HMCN1: variants seen among roughly 807,000 people sequenced by gnomAD.
HMCN1 encodes hemicentin 1.
A neutral mutation model predicts 625.9 loss-of-function variants in HMCN1; 321 were observed. That is an observed-to-expected ratio of 0.51 (90% confidence interval 0.47 to 0.56). HMCN1 has a LOEUF of 0.56. Among genes scored for constraint, HMCN1 ranks in the 20% least tolerant of loss-of-function variants. The pLI, the probability that HMCN1 is intolerant of heterozygous loss-of-function variation, is 0.00. For missense variants in HMCN1, 6,588 were observed against 6,887.3 expected, an observed-to-expected ratio of 0.96 and a Z score of 1.54; for synonymous variants, 2,425 against 2,417.6, an observed-to-expected ratio of 1.00 and a Z score of -0.09.
intron 9 of HMCN1, 107 bp from the exon 10 acceptor site, chr1:185,928,439 C>A: frequency 1.1e-6 from 1 of 933,332 alleles, no homozygotes; most frequent in Non-Finnish European, 1.7e-6. Flanking sequence ...AATTTATTTT[C>A]TTTACATTGT....
At chr1:186,091,465 C>T (rs1196003296) in intron 64 of HMCN1, among the ~76,000 whole-genome samples, 2 of 151,924 alleles carry the variant, frequency 1.3e-5, no homozygotes, top group African/African-American at 4.8e-5. Context: ...ATGCAACAAA[C>T]CACATAGAGA....
intron 91 of HMCN1, 96 bp from the exon 92 acceptor site, chr1:186,145,307 G>A: frequency 8.1e-7 from 1 of 1,233,980 alleles, no homozygotes; most frequent in Non-Finnish European, 1.1e-6. Context: ...GTGCTGAGAA[G>A]AGACTTTTTT....
At chr1:185,776,402 G>C (rs781236227) in intron 1 of HMCN1, among the ~76,000 whole-genome samples, 1 of 151,614 alleles carries the variant, frequency 6.6e-6, no homozygotes, top group African/African-American at 2.4e-5. Context: ...TGCCCATCAG[G>C]TGGTGATTAA....
intron 36 of HMCN1, among the ~76,000 whole-genome samples, chr1:186,026,909 A>G (rs1374890446): frequency 6.6e-6 from 1 of 152,130 alleles, no homozygotes; most frequent in Non-Finnish European, 1.5e-5. Flanking sequence ...TGTTGGGATT[A>G]CAGGTGTGAG....
At chr1:185,854,366 C>T (rs577965946) in intron 2 of HMCN1, among the ~76,000 whole-genome samples, 69 of 152,268 alleles carry the variant, frequency 4.5e-4, no homozygotes, top group African/African-American at 1.6e-3. Context: ...TGTCCAGTTA[C>T]CCCGTCAGAT....
chr1:185,783,814 T>C (rs1657342327), intron 1 of HMCN1, among the ~76,000 whole-genome samples: 1 of 152,216 alleles, frequency 6.6e-6, no homozygotes, highest in Non-Finnish European at 1.5e-5. Context: ...GAGGAGGCAG[T>C]CTGACCGTTC....
chr1:185,907,372 G>T (rs1666153751), intron 4 of HMCN1, among the ~76,000 whole-genome samples: 1 of 151,788 alleles, frequency 6.6e-6, no homozygotes, highest in Non-Finnish European at 1.5e-5. Flanking sequence ...TCACTCCTCT[G>T]CTTGAAGCCC....
chr1:186,017,401 T>C (rs1654433962), intron 33 of HMCN1, among the ~76,000 whole-genome samples: 1 of 152,032 alleles, frequency 6.6e-6, no homozygotes, highest in African/African-American at 2.4e-5. Context: ...GGTACTGAAA[T>C]GTTTAACAGA....
chr1:185,993,323 T>C lies in HMCN1; in HGVS notation c.3505+14T>C. The C allele has an allele frequency of 1.2e-6, 2 of 1,611,720 alleles. No homozygotes were observed. Among genetic ancestry groups the C allele is most frequent in the Non-Finnish European group, 1.7e-6 (2 of 1,178,262 alleles). On this transcript the variant is annotated intron_variant, in intron 23 of 106. Coordinates refer to ENST00000271588, the MANE Select transcript of HMCN1 (RefSeq NM_031935.3). ...TAAATGTCCATGGTGAGTCTTGAAA[T>C]GAGAACATATGACAACCCTGTGGAC...
chr1:186,124,339 T>C (rs1262164118), intron 81 of HMCN1, among the ~76,000 whole-genome samples: 3 of 152,028 alleles, frequency 2.0e-5, no homozygotes, highest in African/African-American at 7.2e-5. Flanking sequence ...AGACATGACA[T>C]ATCAAAATGT....
At chr1:186,161,148 T>C (rs898775708) in intron 97 of HMCN1, among the ~76,000 whole-genome samples, 1 of 151,298 alleles carries the variant, frequency 6.6e-6, no homozygotes, top group African/African-American at 2.4e-5. Flanking sequence ...CTCTTCTTGT[T>C]GAATTGATCC....
At chr1:185,864,764 A>C in intron 3 of HMCN1, 136 bp downstream of exon 3, 1 of 784,198 alleles carries the variant, frequency 1.3e-6, no homozygotes. Flanking sequence ...TCCAATATGT[A>C]TATGTCATCT....
intron 10 of HMCN1, 93 bp downstream of exon 10, chr1:185,928,760 C>A: frequency 1.5e-6 from 2 of 1,347,970 alleles, no homozygotes; most frequent in Non-Finnish European, 2.1e-6. Flanking sequence ...ATACAATTGT[C>A]TTTGCGATTA....
chr1:186,145,273 A>G, intron 91 of HMCN1, 130 bp from the exon 92 acceptor site: 3 of 862,958 alleles, frequency 3.5e-6, no homozygotes, highest in Non-Finnish European at 3.5e-6. Flanking sequence ...TTGCCTATTT[A>G]TAGACTTGCA....
At chr1:185,772,700 G>T (rs1163636015) in intron 1 of HMCN1, among the ~76,000 whole-genome samples, 1 of 152,050 alleles carries the variant, frequency 6.6e-6, no homozygotes, top group African/African-American at 2.4e-5. Context: ...GATGACTGTT[G>T]TAGTCCATTT....
At chr1:186,163,618 A>G (rs986242185) in intron 97 of HMCN1, among the ~76,000 whole-genome samples, 6 of 152,230 alleles carry the variant, frequency 3.9e-5, no homozygotes, top group Non-Finnish European at 8.8e-5. Flanking sequence ...CCACCAATTT[A>G]TATGAAAATT....
chr1:185,734,561 C>G lies in HMCN1; in HGVS notation c.-219C>G. ...ATAGCAGTCCAGGAGGAAGCCGCAT[C>G]CAGACAAAAGCTGCCGCATCCCTGC... On this transcript the variant is annotated 5_prime_UTR_variant, in exon 1 of 107. The change creates a new upstream start codon in the 5' untranslated region. Coordinates refer to ENST00000271588, the MANE Select transcript of HMCN1 (RefSeq NM_031935.3). 3.5e-6 allele frequency: 2 copies of G among 573,706 alleles called. No homozygotes were observed. The highest frequency in any genetic ancestry group is 6.2e-6 in the Non-Finnish European group (2 of 322,326). 35.5% of individuals were successfully genotyped at this position (573,706 alleles called of 1,614,324 possible). A position where few individuals can be genotyped will look rare whatever the true frequency, so the allele number is the denominator to read the frequency against.
rs371854479 is a variant in HMCN1, at chr1:186,086,420, T to G, written c.9046+13T>G. 4.3e-6 allele frequency: 7 copies of G among 1,612,366 alleles called. No homozygotes were observed. The African/African-American group carries it at 9.4e-5, about 22-fold the overall frequency. ...CTCATTGTGCCTGGTAAGGAACTTCTTATTATAAAGCAGGCAAAATTTTCT... is the reference window on the plus strand; with the variant it reads ...CTCATTGTGCCTGGTAAGGAACTTCGTATTATAAAGCAGGCAAAATTTTCT... On this transcript the variant is annotated intron_variant, in intron 58 of 106. Coordinates refer to ENST00000271588, the MANE Select transcript of HMCN1 (RefSeq NM_031935.3).
At chr1:186,060,911 C>A (rs983788090) in intron 46 of HMCN1, among the ~76,000 whole-genome samples, 3 of 152,044 alleles carry the variant, frequency 2.0e-5, no homozygotes, top group Non-Finnish European at 4.4e-5. Flanking sequence ...TCTTTCTAAG[C>A]ACGAATCAGA....
Sources: gnomAD v4.1 joint callset for allele counts (sites outside exome capture counted in the v4.1 genomes callset) on GRCh38, gnomAD v4.1.1 for gene constraint, MANE v1.5 for transcripts, NCBI Gene and HGNC (gene_info 2026-07-23, HGNC 2026-07-21) for gene names.